NCAM2: variants seen among roughly 807,000 people sequenced by gnomAD.
NCAM2 encodes neural cell adhesion molecule 2.
A neutral mutation model predicts 98.1 loss-of-function variants in NCAM2; 30 were observed. The observed-to-expected ratio is 0.31, with a 90% CI of 0.23 to 0.41. The LOEUF (loss-of-function observed/expected upper bound fraction) is 0.41. NCAM2 is among the 10% of genes least tolerant of loss of function. NCAM2 has a pLI of 1.00. For synonymous variants in NCAM2, 368 were observed against 342.4 expected (o/e 1.07, Z -0.83); for missense variants, 867 against 1,005.8 (o/e 0.86, Z 1.87).
At chr21:21,095,437 T>G (rs942957885) in intron 1 of NCAM2, among the ~76,000 whole-genome samples, 5 of 151,556 alleles carry the variant, frequency 3.3e-5, no homozygotes, top group Admixed American at 1.3e-4. Context: ...TGTCTATCTA[T>G]CTAGCTAGCT....
chr21:21,274,040 C>G (rs1295855795), intron 1 of NCAM2, among the ~76,000 whole-genome samples: 1 of 72,728 alleles, frequency 1.4e-5, no homozygotes, highest in African/African-American at 5.8e-5. Context: ...TGGCGCATGG[C>G]TGTAATCCCA....
intron 17 of NCAM2, among the ~76,000 whole-genome samples, chr21:21,536,302 T>C (rs9975403): frequency 0.61 from 92,632 of 151,804 alleles, 28,684 homozygotes; most frequent in Admixed American, 0.69. Context: ...AAATTACAAA[T>C]AAATCCCAGA....
intron 15 of NCAM2, among the ~76,000 whole-genome samples, chr21:21,494,123 A>G (rs1987042980): frequency 6.6e-6 from 1 of 151,852 alleles, no homozygotes; most frequent in Non-Finnish European, 1.5e-5. Context: ...TCTTCTGTGT[A>G]TTTGCTCACA....
rs571432848 is a variant in NCAM2 at position 21,345,900 on chromosome 21, A to G, written c.1044+7366A>G. On this transcript the variant is annotated intron_variant, in intron 8 of 17. Coordinates refer to ENST00000400546, the MANE Select transcript of NCAM2 (RefSeq NM_004540.5). The stretch of plus-strand genomic sequence containing the variant: ...TTTAATACTGAAACTCCCAATGGTC[A>G]AGGATAAAAAAGCAAAAAACTAAAT... Among the ~76,000 whole-genome samples, 13 of 152,176 alleles carry G rather than the reference A, an allele frequency of 8.5e-5. No individual in the cohort carries two copies. The South Asian group carries it at 2.5e-3, about 29-fold the overall frequency.
chr21:21,018,286 G>A (rs1410842611), intron 1 of NCAM2, among the ~76,000 whole-genome samples: 1 of 152,150 alleles, frequency 6.6e-6, no homozygotes, highest in Non-Finnish European at 1.5e-5. Flanking sequence ...TCAAAACATA[G>A]TCAGTGAATA....
intron 12 of NCAM2, among the ~76,000 whole-genome samples, chr21:21,448,535 T>G (rs1256700956): frequency 6.6e-6 from 1 of 151,876 alleles, no homozygotes; most frequent in East Asian, 1.9e-4. Context: ...AATAAATAAA[T>G]AAGTAAAATA....
chr21:21,065,873 G>A (rs1367695513), intron 1 of NCAM2, among the ~76,000 whole-genome samples: 1 of 152,088 alleles, frequency 6.6e-6, no homozygotes, highest in South Asian at 2.1e-4. Flanking sequence ...TCAATTCAAA[G>A]ATAATTTTAA....
intron 8 of NCAM2, among the ~76,000 whole-genome samples, chr21:21,371,634 T>C (rs1311900612): frequency 6.6e-6 from 1 of 151,772 alleles, no homozygotes; most frequent in East Asian, 1.9e-4. Flanking sequence ...TATTTACAGA[T>C]CACAATCCAC....
chr21:21,216,729 A>G (rs2147110731), intron 1 of NCAM2, among the ~76,000 whole-genome samples: 1 of 152,280 alleles, frequency 6.6e-6, no homozygotes. Flanking sequence ...ATAGGTAGAC[A>G]TGTTCTTTCA....
intron 1 of NCAM2, among the ~76,000 whole-genome samples, chr21:21,037,579 T>C (rs2064824032): frequency 6.6e-6 from 1 of 152,184 alleles, no homozygotes. Flanking sequence ...GTAGGCTCTA[T>C]GTTAGTATGT....
chr21:21,098,888 A>T (rs1390940496), intron 1 of NCAM2, among the ~76,000 whole-genome samples: 1 of 151,846 alleles, frequency 6.6e-6, no homozygotes, highest in Non-Finnish European at 1.5e-5. Context: ...GCAATTGCCA[A>T]AGCCTGATAA....
At chr21:21,113,182 TC>T (rs1256166002) in intron 1 of NCAM2, among the ~76,000 whole-genome samples, 1 of 152,208 alleles carries the variant, frequency 6.6e-6, no homozygotes, top group Non-Finnish European at 1.5e-5. Context: ...ATGATAATGC[TC>T]ACACAGTAGG....
chr21:21,174,214 C>T (rs1028670980), intron 1 of NCAM2, among the ~76,000 whole-genome samples: 1 of 152,108 alleles, frequency 6.6e-6, no homozygotes, highest in African/African-American at 2.4e-5. Flanking sequence ...TGAGCCGCTG[C>T]GCCTGGCCAA....
chr21:21,240,839 G>T (rs139169339), intron 1 of NCAM2, among the ~76,000 whole-genome samples: 1 of 151,860 alleles, frequency 6.6e-6, no homozygotes, highest in Non-Finnish European at 1.5e-5. Flanking sequence ...GAAAACAATG[G>T]GGATAATTAT....
chr21:21,275,745 C>G (rs116061568), intron 1 of NCAM2, among the ~76,000 whole-genome samples: 1,623 of 152,266 alleles, frequency 0.011, 34 homozygotes, highest in African/African-American at 0.037. Flanking sequence ...TTTTCATATT[C>G]TTTGCCACAG....
chr21:21,466,834 A>G (rs1333905332), intron 13 of NCAM2, 109 bp downstream of exon 13: 1 of 1,147,700 alleles, frequency 8.7e-7, no homozygotes, highest in Non-Finnish European at 1.2e-6. Flanking sequence ...GACATGAATT[A>G]TGTCTTTGGT....
At chr21:21,311,335 A>ATTTT (rs57458011) in intron 5 of NCAM2, among the ~76,000 whole-genome samples, 4 of 108,620 alleles carry the variant, frequency 3.7e-5, no homozygotes, top group Non-Finnish European at 7.1e-5. Flanking sequence ...AATATGGGGC[A>ATTTT]TTTTTTTTTT....
rs1190534137 is a variant in NCAM2 at position 21,448,453 on chromosome 21, T to C, written c.1654+16172T>C. Among the ~76,000 whole-genome samples, 10 of 152,028 alleles carry C rather than the reference T, an allele frequency of 6.6e-5. No homozygotes were observed. The East Asian group carries it at 1.7e-3, about 27-fold the overall frequency. ...GGTCTATAGGTGCAGCAAACCATCA[T>C]GCCACATATATACCTATGTAATGAA... On this transcript the variant is annotated intron_variant, in intron 12 of 17. Transcript: ENST00000400546.
At chr21:21,076,867 A>T (rs2065691669) in intron 1 of NCAM2, among the ~76,000 whole-genome samples, 1 of 152,194 alleles carries the variant, frequency 6.6e-6, no homozygotes, top group South Asian at 2.1e-4. Context: ...CTTTCATTGA[A>T]CCAGGAAGGG....
Sources: gnomAD v4.1 joint callset for allele counts (sites outside exome capture counted in the v4.1 genomes callset) on GRCh38, gnomAD v4.1.1 for gene constraint, MANE v1.5 for transcripts, NCBI Gene and HGNC (gene_info 2026-07-23, HGNC 2026-07-21) for gene names.